Variants in STAT4 observed in about 807,000 individuals in gnomAD.
STAT4 encodes signal transducer and activator of transcription 4.
Under a neutral mutation model 110.5 loss-of-function variants are expected in STAT4, and 42 were observed. That is an observed-to-expected ratio of 0.38 (90% CI 0.30 to 0.49). The LOEUF is 0.49. Among genes scored for constraint, STAT4 ranks in the 20% least tolerant of loss-of-function variants. STAT4 has a pLI of 0.95. For missense variants in STAT4, 632 were observed against 887.9 expected (o/e 0.71, Z 3.66); for synonymous variants, 284 against 302.2 (o/e 0.94, Z 0.63).
chr2:191,102,830 G>C (rs142844325), intron 3 of STAT4, among the ~76,000 whole-genome samples: 2 of 151,988 alleles, frequency 1.3e-5, no homozygotes, highest in African/African-American at 4.8e-5. Flanking sequence ...CCTTCCATTC[G>C]CTTTTGTGTC....
At chr2:191,048,658 C>T (rs949166465) in intron 14 of STAT4, among the ~76,000 whole-genome samples, 3 of 150,926 alleles carry the variant, frequency 2.0e-5, no homozygotes, top group Admixed American at 1.3e-4. Flanking sequence ...TGGTGGCGGG[C>T]GCTTGTAGTC....
rs1699236011 is a variant in STAT4 at position 191,138,377 on chromosome 2, A to G, written c.273+8236T>C. Among the ~76,000 whole-genome samples, 1 of 152,190 alleles carries G rather than the reference A, an allele frequency of 6.6e-6. No homozygotes were observed. Among genetic ancestry groups the G allele is most frequent in the Non-Finnish European group, 1.5e-5 (1 of 68,040 alleles). Reference sequence around the variant, plus strand: ...CATTAGTGAGATTAACCAAAAAAAGAAGAGAGAAGATCCAAATAAGATTTC... The same window carrying G: ...CATTAGTGAGATTAACCAAAAAAAGGAGAGAGAAGATCCAAATAAGATTTC... On this transcript the variant is annotated intron_variant, in intron 3 of 23. Coordinates refer to ENST00000392320, the MANE Select transcript of STAT4 (RefSeq NM_003151.4). The surrounding 1 kb of genome is among the most constrained non-coding windows in gnomAD (Gnocchi z 4.3).
In STAT4 at chr2:191,033,841, G is replaced by A; in HGVS notation, c.1715+70C>T. ...TAAACATGCTTAAGAGAAAAAGAAAGAAGAAAACCAATAACAACAGAAAAA... is the reference window on the plus strand; with the variant it reads ...TAAACATGCTTAAGAGAAAAAGAAAAAAGAAAACCAATAACAACAGAAAAA... On this transcript the variant is annotated intron_variant, in intron 19 of 23. Transcript: ENST00000392320. This position sits in a 1 kb window ranked among gnomAD's most constrained non-coding sequence, Gnocchi z 6.9. 1.4e-6 allele frequency: 2 copies of A among 1,427,626 alleles called. No homozygotes were observed. Among genetic ancestry groups the A allele is most frequent in the Non-Finnish European group, 1.9e-6 (2 of 1,046,360 alleles). 88.4% of individuals were successfully genotyped at this position (1,427,626 alleles called of 1,614,324 possible).
Position 191,062,735 on chromosome 2 carries a change from G to A in STAT4, c.941+27C>T, listed in dbSNP as rs1696884442. 2 of 1,612,204 alleles carry A rather than the reference G, an allele frequency of 1.2e-6. No individual in the cohort carries two copies. Reference sequence around the variant, plus strand: ...GGGTGTTCTTACTTCACAGAATGGAGGATGCCATTGATAGCACTTCACTTA... The same window carrying A: ...GGGTGTTCTTACTTCACAGAATGGAAGATGCCATTGATAGCACTTCACTTA... On this transcript the variant is annotated intron_variant, in intron 9 of 23. Transcript: ENST00000392320. The surrounding 1 kb of genome is among the most constrained non-coding windows in gnomAD (Gnocchi z 4.9).
At chr2:191,054,665 C>A (rs1696625656) in intron 13 of STAT4, 131 bp from the exon 14 acceptor site, 2 of 716,290 alleles carry the variant, frequency 2.8e-6, no homozygotes, top group Non-Finnish European at 4.6e-6. Context: ...TTTTCAAACT[C>A]ATTGAAACCT....
chr2:191,128,692 G>A (rs1049144046), intron 3 of STAT4, among the ~76,000 whole-genome samples: 2 of 152,130 alleles, frequency 1.3e-5, no homozygotes, highest in Non-Finnish European at 2.9e-5. Context: ...TGAGGTGCAG[G>A]TGACACCCAT....
At chr2:191,084,070 T>G (rs551229395) in intron 3 of STAT4, among the ~76,000 whole-genome samples, 1 of 152,016 alleles carries the variant, frequency 6.6e-6, no homozygotes, top group Non-Finnish European at 1.5e-5. Context: ...GAGACCAGCC[T>G]GACCAACAAG....
At chr2:191,148,050 T>C in intron 2 of STAT4, 26 bp downstream of exon 2, 1 of 1,612,960 alleles carries the variant, frequency 6.2e-7, no homozygotes, top group Non-Finnish European at 8.5e-7. Context: ...TGCATCAACT[T>C]CTAGGGAAAA....
upstream of STAT4, chr2:191,151,450 C>G: frequency 2.0e-6 from 2 of 985,644 alleles, no homozygotes; most frequent in East Asian, 1.1e-4. This position sits in a 1 kb window ranked among gnomAD's most constrained non-coding sequence, Gnocchi z 4.7. Context: ...AACTCATAGA[C>G]CTTACTGGGC....
intron 5 of STAT4, among the ~76,000 whole-genome samples, chr2:191,070,963 TA>T (rs1489104658): frequency 6.6e-6 from 1 of 152,218 alleles, no homozygotes; most frequent in African/African-American, 2.4e-5. Flanking sequence ...ATATGCTTCA[TA>T]AGTAGTAGCT....
chr2:191,036,537 G>A (rs1050264358), intron 16 of STAT4, among the ~76,000 whole-genome samples: 5 of 152,148 alleles, frequency 3.3e-5, no homozygotes, highest in African/African-American at 1.2e-4. Flanking sequence ...CAGCTTCCCA[G>A]TATGATCTCA....
rs1695931342 is a variant in STAT4 at position 191,032,646 on chromosome 2, T to C, written c.2044+312A>G. Reference sequence around the variant, plus strand: ...TTTTCCTTTCCCTCAGTCATAGACATGAAGCCTGCACCACTTCTGTCTTAC... The same window carrying C: ...TTTTCCTTTCCCTCAGTCATAGACACGAAGCCTGCACCACTTCTGTCTTAC... On this transcript the variant is annotated intron_variant, in intron 21 of 23. Transcript: ENST00000392320. The surrounding 1 kb of genome is among the most constrained non-coding windows in gnomAD (Gnocchi z 4.9). 1.3e-5 allele frequency among the ~76,000 whole-genome samples: 2 copies of C among 152,218 alleles called. No homozygotes were observed. The highest frequency in any genetic ancestry group is 2.4e-5 in the African/African-American group (1 of 41,454).
At chr2:191,141,103 G>T (rs571983376) in intron 3 of STAT4, among the ~76,000 whole-genome samples, 5 of 151,608 alleles carry the variant, frequency 3.3e-5, no homozygotes, top group Admixed American at 6.6e-5. Flanking sequence ...GGAGCGGGGG[G>T]TGAGGGATAA....
In STAT4 at chr2:191,050,850, C is replaced by G. The variant is rs1252313646; in HGVS notation, c.1251+3640G>C. The stretch of plus-strand genomic sequence containing the variant: ...AGCCAGGAGCCCCTGTACGTCCTGA[C>G]AGCTCAGCTCTTCTTGGGTAATCTC... On this transcript the variant is annotated intron_variant, in intron 14 of 23. Coordinates refer to ENST00000392320, the MANE Select transcript of STAT4 (RefSeq NM_003151.4). This position sits in a 1 kb window ranked among gnomAD's most constrained non-coding sequence, Gnocchi z 4.3. Among the ~76,000 whole-genome samples, 1 of 152,216 alleles carries G rather than the reference C, an allele frequency of 6.6e-6. No homozygotes were observed. Among genetic ancestry groups the G allele is most frequent in the African/African-American group, 2.4e-5 (1 of 41,450 alleles).
At position 191,076,260 on chromosome 2, in the gene STAT4, C is replaced by T; in HGVS notation, c.339G>A (p.Arg113=). The T allele has an allele frequency of 6.2e-7, 1 of 1,613,828 alleles. No individual in the cohort carries two copies. The highest frequency in any genetic ancestry group is 8.5e-7 in the Non-Finnish European group (1 of 1,179,918). The stretch of plus-strand genomic sequence containing the variant: ...GCATGTTGGCTGCAGCCAATATTCT[C>T]CTCTCTTCCCTTAAACAGTTTGAAA... ...VVISNCLREE[R]RILAAANMPV... is the part of the protein sequence containing the mutation. The change falls in exon 4 of 24, where the codon AGG becomes AGA. Residue 113 remains arginine, a synonymous_variant. Coordinates refer to ENST00000392320, the MANE Select transcript of STAT4 (RefSeq NM_003151.4).
At chr2:191,069,622 G>T (rs1240480761) in intron 6 of STAT4, 71 bp downstream of exon 6, 8 of 1,167,472 alleles carry the variant, frequency 6.9e-6, no homozygotes, top group African/African-American at 1.6e-5. Context: ...TATCCACTCT[G>T]TCAGTGAGAA....
At chr2:191,071,890 C>G (rs192463365) in intron 5 of STAT4, among the ~76,000 whole-genome samples, 1 of 152,126 alleles carries the variant, frequency 6.6e-6, no homozygotes, top group Admixed American at 6.6e-5. Context: ...AGCATGTGGT[C>G]TTCACTTAGG....
chr2:191,030,474 A>G lies in STAT4; in HGVS notation c.2220+498T>C, dbSNP rs771289051. 2.6e-5 allele frequency among the ~76,000 whole-genome samples: 4 copies of G among 152,186 alleles called. No homozygotes were observed. The highest frequency in any genetic ancestry group is 4.4e-5 in the Non-Finnish European group (3 of 68,030). On this transcript the variant is annotated intron_variant, in intron 23 of 23. Transcript: ENST00000392320. The surrounding 1 kb of genome is among the most constrained non-coding windows in gnomAD (Gnocchi z 4.4). Reference sequence around the variant, plus strand: ...TTATGCCATTGACTGTTATTCATATATTATTGATGAGGCTCCGGGTTCTAG... The same window carrying G: ...TTATGCCATTGACTGTTATTCATATGTTATTGATGAGGCTCCGGGTTCTAG...
chr2:191,030,712 T>C lies in STAT4; in HGVS notation c.2220+260A>G, dbSNP rs1695867236. On this transcript the variant is annotated intron_variant, in intron 23 of 23. Coordinates refer to ENST00000392320, the MANE Select transcript of STAT4 (RefSeq NM_003151.4). The surrounding 1 kb of genome is among the most constrained non-coding windows in gnomAD (Gnocchi z 4.4). ...AGCGATAGTGTGCTTGAGTAGGGTA[T>C]AGGAATATTTTGCCCTCTGGTGGTT... 2.6e-6 allele frequency: 1 copy of C among 380,710 alleles called. No individual in the cohort carries two copies. Among genetic ancestry groups the C allele is most frequent in the Non-Finnish European group, 4.9e-6 (1 of 202,336 alleles). The allele number at this position is 380,710 out of a possible 1,614,324, so 23.6% of individuals were successfully genotyped here.
Sources: gnomAD v4.1 joint callset for allele counts (sites outside exome capture counted in the v4.1 genomes callset) on GRCh38, gnomAD v4.1.1 for gene constraint, Gnocchi (gnomAD v3.1) non-coding constraint, MANE v1.5 for transcripts, NCBI Gene and HGNC (gene_info 2026-07-23, HGNC 2026-07-21) for gene names.